Variants in PRMT3 observed in about 807,000 individuals in gnomAD.
The protein encoded by PRMT3 is protein arginine N-methyltransferase 3.
PRMT3 carries 62 observed loss-of-function variants against 71.9 expected under a neutral mutation model. The ratio of observed to expected loss-of-function variants is 0.86; its 90% confidence interval spans 0.70 to 1.07. The LOEUF is 1.07. PRMT3 is among the 50% of genes least tolerant of loss of function. The probability of loss-of-function intolerance (pLI) is 0.00; values close to 1 mark genes in which losing one functional copy is unlikely to be tolerated. For missense variants in PRMT3, 663 were observed against 643.0 expected (o/e 1.03, Z -0.34); for synonymous variants, 213 against 220.4 (o/e 0.97, Z 0.30).
chr11:20,412,713 TTAA>T (rs1849221445), intron 9 of PRMT3, among the ~76,000 whole-genome samples: 1 of 136,474 alleles, frequency 7.3e-6, no homozygotes, highest in South Asian at 2.7e-4. Context: ...ATATCCCAGT[TTAA>T]TAATAAAATT....
At chr11:20,434,023 A>T (rs905826711) in intron 10 of PRMT3, among the ~76,000 whole-genome samples, 2 of 152,124 alleles carry the variant, frequency 1.3e-5, no homozygotes, top group Non-Finnish European at 2.9e-5. Flanking sequence ...TTTTCGCCTC[A>T]ATCTTGCCAG....
chr11:20,498,070 G>A (rs532092080), intron 15 of PRMT3, among the ~76,000 whole-genome samples: 2 of 152,236 alleles, frequency 1.3e-5, no homozygotes, highest in African/African-American at 2.4e-5. Flanking sequence ...GGAATTAATG[G>A]CAGAAGAAAA....
At position 20,452,198 on chromosome 11, in the gene PRMT3, A is replaced by G; in HGVS notation, c.1062A>G (p.Lys354=). ...ATGCAAAGAACAAATACTTGGCAAAAGGAGGCTCGGGTGAGTATAAAATTC... is the reference window on the plus strand; with the variant it reads ...ATGCAAAGAACAAATACTTGGCAAAGGGAGGCTCGGGTGAGTATAAAATTC... ...VLYAKNKYLA[K]GGSVYPDICT... The change falls in exon 11 of 16, where the codon AAA becomes AAG. Residue 354 remains lysine (K), a synonymous_variant. Coordinates refer to ENST00000331079, the MANE Select transcript of PRMT3 (RefSeq NM_005788.4). The G allele has an allele frequency of 6.2e-7, 1 of 1,605,296 alleles. No individual in the cohort carries two copies. The highest frequency in any genetic ancestry group is 8.5e-7 in the Non-Finnish European group (1 of 1,172,488).
At position 20,455,106 on chromosome 11, in the gene PRMT3, G is replaced by C. The variant is rs866447657; in HGVS notation, c.1072+2898G>C. Among the ~76,000 whole-genome samples, 6 of 152,236 alleles carry C rather than the reference G, an allele frequency of 3.9e-5. 1 individual carries two copies. Among genetic ancestry groups the C allele is most frequent in the Middle Eastern group, 6.8e-3 (2 of 294 alleles). ...GTAATGTTTTACATGCAGCCAACAA[G>C]AGATGAGGAGGAAAAATAGGAAAAT... On this transcript the variant is annotated intron_variant, in intron 11 of 15. Transcript: ENST00000331079.
In PRMT3 at chr11:20,470,926, A is replaced by AT. The variant is rs754861530; in HGVS notation, c.1347+6384dup. ...TCTGTTTTACTTTTTAATAATCACC[A>AT]TTTTGACTGGTATAAGATGGTATTT... On this transcript the variant is annotated intron_variant, in intron 13 of 15. Transcript: ENST00000331079. Among the ~76,000 whole-genome samples, 12 of 152,206 alleles carry AT rather than the reference A, an allele frequency of 7.9e-5. No individual in the cohort carries two copies. The East Asian group carries it at 1.4e-3, about 17-fold the overall frequency.
In PRMT3 at chr11:20,478,375, G is replaced by A. The variant is rs191030277; in HGVS notation, c.1347+13829G>A. ...ATAAAGTTAGGAAAGGTAAATGAAA[G>A]TAAACATAAGTTAGTGAAGTAAAGG... is the stretch of plus-strand genomic sequence containing the variant. On this transcript the variant is annotated intron_variant, in intron 13 of 15. Coordinates refer to ENST00000331079, the MANE Select transcript of PRMT3 (RefSeq NM_005788.4). Among the ~76,000 whole-genome samples, 16 of 152,222 alleles carry A rather than the reference G, an allele frequency of 1.1e-4. No homozygotes were observed. In the East Asian group the frequency reaches 2.7e-3, roughly 26 times the overall value.
At chr11:20,504,749 A>AGAGAGAGAGAGAGAGAGAGAGAGC (rs1851549845) in intron 15 of PRMT3, among the ~76,000 whole-genome samples, 2 of 150,790 alleles carry the variant, frequency 1.3e-5, no homozygotes, top group African/African-American at 4.9e-5. Flanking sequence ...AGAGAGAGCG[A>AGAGAGAGAGAGAGAGAGAGAGAGC]GAGCGACTGA....
intron 10 of PRMT3, among the ~76,000 whole-genome samples, chr11:20,447,497 T>G (rs1462705981): frequency 6.6e-6 from 1 of 152,122 alleles, no homozygotes; most frequent in Non-Finnish European, 1.5e-5. Context: ...TTCTATGCGT[T>G]GATAATAAGT....
At chr11:20,455,436 CCTGT>C (rs1212895359) in intron 11 of PRMT3, among the ~76,000 whole-genome samples, 4 of 152,142 alleles carry the variant, frequency 2.6e-5, no homozygotes, top group Admixed American at 1.3e-4. Context: ...GGTGGTAGAT[CCTGT>C]CTATGTCTCT....
chr11:20,468,808 T>A (rs1850574492), intron 13 of PRMT3, among the ~76,000 whole-genome samples: 1 of 152,216 alleles, frequency 6.6e-6, no homozygotes, highest in Non-Finnish European at 1.5e-5. Flanking sequence ...AGACTGATAA[T>A]GCTTTTAGAT....
chr11:20,456,762 T>G (rs1850275608), intron 11 of PRMT3, among the ~76,000 whole-genome samples: 1 of 152,226 alleles, frequency 6.6e-6, no homozygotes, highest in Non-Finnish European at 1.5e-5. Context: ...GGGATTGGAT[T>G]GAATGAATTT....
chr11:20,445,840 T>C (rs1850015312), intron 10 of PRMT3, among the ~76,000 whole-genome samples: 1 of 152,196 alleles, frequency 6.6e-6, no homozygotes, highest in South Asian at 2.1e-4. Flanking sequence ...CTTTTTCTTT[T>C]TAAAATGTGT....
At chr11:20,438,581 G>A (rs1440222989) in intron 10 of PRMT3, among the ~76,000 whole-genome samples, 1 of 152,056 alleles carries the variant, frequency 6.6e-6, no homozygotes, top group Admixed American at 6.6e-5. Flanking sequence ...TTGTTTCCCT[G>A]GGATGCAGCA....
chr11:20,484,655 C>T (rs555462188), intron 13 of PRMT3, among the ~76,000 whole-genome samples: 6 of 152,250 alleles, frequency 3.9e-5, no homozygotes, highest in East Asian at 1.9e-4. Context: ...TCCCCAGCCA[C>T]GTGGAACTGT....
intron 3 of PRMT3, 146 bp from the exon 4 acceptor site, chr11:20,392,065 C>T: frequency 1.4e-6 from 1 of 694,708 alleles, no homozygotes; most frequent in East Asian, 3.5e-5. Flanking sequence ...ATTACTACTT[C>T]TAATTCTTAA....
chr11:20,402,845 G>T (rs1308095951), intron 7 of PRMT3, 74 bp from the exon 8 acceptor site: 20 of 1,179,784 alleles, frequency 1.7e-5, no homozygotes, highest in Middle Eastern at 2.0e-4. Context: ...TGTTAATATG[G>T]CAAATATCTC....
intron 8 of PRMT3, among the ~76,000 whole-genome samples, chr11:20,403,281 TG>T (rs1465066210): frequency 1.3e-5 from 2 of 152,216 alleles, no homozygotes; most frequent in African/African-American, 4.8e-5. Flanking sequence ...CCATATTTTT[TG>T]TTTACAGTTA....
At chr11:20,472,042 T>A (rs920731172) in intron 13 of PRMT3, among the ~76,000 whole-genome samples, 1 of 152,170 alleles carries the variant, frequency 6.6e-6, no homozygotes, top group Non-Finnish European at 1.5e-5. Context: ...TTTTGCTCAT[T>A]GATTTTTGTG....
intron 9 of PRMT3, among the ~76,000 whole-genome samples, chr11:20,424,813 A>G (rs1052959540): frequency 5.9e-5 from 9 of 152,212 alleles, no homozygotes; most frequent in Non-Finnish European, 1.0e-4. Flanking sequence ...AAGAACTCTT[A>G]GAATTCAGTA....
Sources: allele counts gnomAD v4.1 joint callset (sites outside exome capture counted in the v4.1 genomes callset), GRCh38; gene constraint gnomAD v4.1.1; transcripts MANE v1.5; gene names NCBI Gene and HGNC (gene_info 2026-07-23, HGNC 2026-07-21).